C10orf71: variants seen among roughly 807,000 people sequenced by gnomAD.
C10orf71 encodes the protein chromosome 10 open reading frame 71, also known as cardiac-enriched FHL2-interacting protein.
For synonymous variants in C10orf71, 758 were observed against 726.3 expected, an observed-to-expected ratio of 1.04 and a Z score of -0.70; for missense variants, 1,869 against 1,804.5, an observed-to-expected ratio of 1.04 and a Z score of -0.65.
Position 49,325,978 on chromosome 10 carries a change from G to C in C10orf71, c.3433G>C (p.Asp1145His). The C allele has an allele frequency of 1.3e-6, 2 of 1,551,710 alleles. No individual in the cohort carries two copies. The highest frequency in any genetic ancestry group is 2.4e-5 in the South Asian group (2 of 84,068). Residue 1145 changes from aspartate to histidine, a missense_variant, in exon 3 of 3, where the codon GAT (aspartate) becomes CAT (histidine). Asp to His is a moderately conservative substitution (Grantham distance 81). Transcript: ENST00000374144. ...CCTCTCTCCAAGAGGTTCATTGCTGGATGTGGCCACCAGCCCAGCAGGCAC... is the reference window on the plus strand; with the variant it reads ...CCTCTCTCCAAGAGGTTCATTGCTGCATGTGGCCACCAGCCCAGCAGGCAC... ...RTLSPRGSLL[D>H]VATSPAGTSG...
At chr10:49,303,866 G>A (rs1019118531) in intron 1 of C10orf71, among the ~76,000 whole-genome samples, 2 of 152,116 alleles carry the variant, frequency 1.3e-5, no homozygotes, top group Non-Finnish European at 2.9e-5. Context: ...TCCTTCCCCT[G>A]GCTGAGCCGC....
At chr10:49,313,687 A>G (rs993343418) in intron 1 of C10orf71, among the ~76,000 whole-genome samples, 3 of 152,088 alleles carry the variant, frequency 2.0e-5, no homozygotes, top group Admixed American at 6.6e-5. Context: ...GTCAAAGGGA[A>G]AGGCACTGGG....
At chr10:49,318,900 C>T (rs993222365) in intron 2 of C10orf71, among the ~76,000 whole-genome samples, 1 of 152,242 alleles carries the variant, frequency 6.6e-6, no homozygotes, top group Non-Finnish European at 1.5e-5. Flanking sequence ...TGGAGCCAGG[C>T]AGGATCTGGG....
In C10orf71 at chr10:49,324,314, C is replaced by T. The variant is rs1849170282; in HGVS notation, c.1769C>T (p.Thr590Ile). The T allele has an allele frequency of 1.2e-6, 2 of 1,613,824 alleles. No individual in the cohort carries two copies. Among genetic ancestry groups the T allele is most frequent in the Admixed American group, 1.7e-5 (1 of 59,992 alleles). Reference protein sequence around the residue: ...PSEPSADSYLTLSTAPTIAKA... With the variant: ...PSEPSADSYLILSTAPTIAKA... ...GAGCCCTCTGCAGACAGCTATCTAA[C>T]TCTTAGCACAGCTCCGACTATCGCC... Residue 590 changes from threonine (T) to isoleucine (I), a missense_variant, in exon 3 of 3, where the codon ACT becomes ATT. Transcript: ENST00000374144.
intron 1 of C10orf71, among the ~76,000 whole-genome samples, chr10:49,311,430 C>T (rs986482951): frequency 6.6e-6 from 1 of 152,226 alleles, no homozygotes; most frequent in Non-Finnish European, 1.5e-5. Context: ...GGACCTCTGT[C>T]CCTTTGCACA....
Position 49,323,074 on chromosome 10 carries a change from G to T in C10orf71, c.529G>T (p.Ala177Ser). Residue 177 changes from alanine to serine, a missense_variant, in exon 3 of 3, where the codon GCT (alanine) becomes TCT (serine). By Grantham distance (99) the Ala-to-Ser change is moderately conservative (BLOSUM62 1). Coordinates refer to ENST00000374144, the MANE Select transcript of C10orf71 (RefSeq NM_001135196.2). ...PPALKNPPKF[A>S]PLPENSVNFC... ...GGCTCTGAAAAATCCTCCCAAATTC[G>T]CTCCTCTTCCAGAAAACAGTGTCAA... 6.2e-7 allele frequency: 1 copy of T among 1,613,920 alleles called. No homozygotes were observed. Among genetic ancestry groups the T allele is most frequent in the Non-Finnish European group, 8.5e-7 (1 of 1,179,866 alleles).
chr10:49,323,546 A>G lies in C10orf71; in HGVS notation c.1001A>G (p.Glu334Gly). ...PCQVQASCSQ[E>G]ENRLAAGALS... ...CAGGTCCAGGCCAGCTGCAGTCAGG[A>G]AGAGAACAGACTTGCAGCAGGGGCT... The change falls in exon 3 of 3, where the codon GAA becomes GGA. Residue 334 changes from glutamate to glycine, a missense_variant. Transcript: ENST00000374144. The G allele has an allele frequency of 6.2e-7, 1 of 1,609,716 alleles. No homozygotes were observed. The highest frequency in any genetic ancestry group is 8.5e-7 in the Non-Finnish European group (1 of 1,177,226).
intron 2 of C10orf71, among the ~76,000 whole-genome samples, chr10:49,321,590 T>G (rs921301032): frequency 6.6e-6 from 1 of 152,236 alleles, no homozygotes. Context: ...TTGGATCATA[T>G]AGTAGTTCTA....
Position 49,323,950 on chromosome 10 carries a change from C to G in C10orf71, c.1405C>G (p.Pro469Ala). ...AGACAGCCAGCCAGCAGAGCGAACC[C>G]CATCACCCCCAGGACAGCTAAACGG... Reference protein sequence around the residue: ...SADSQPAERTPSPPGQLNGYQ... With the variant: ...SADSQPAERTASPPGQLNGYQ... Residue 469 changes from proline (P) to alanine (A), a missense_variant, in exon 3 of 3, where the codon CCA (proline) becomes GCA (alanine). Coordinates refer to ENST00000374144, the MANE Select transcript of C10orf71 (RefSeq NM_001135196.2). The G allele has an allele frequency of 6.2e-7, 1 of 1,613,842 alleles. No homozygotes were observed. Among genetic ancestry groups the G allele is most frequent in the Non-Finnish European group, 8.5e-7 (1 of 1,179,858 alleles).
rs772526573 is a variant in C10orf71 at position 49,322,507 on chromosome 10, C to A, written c.-39C>A. 5 of 1,546,742 alleles carry A rather than the reference C, an allele frequency of 3.2e-6. No homozygotes were observed. The highest frequency in any genetic ancestry group is 2.0e-4 in the Middle Eastern group (1 of 5,060). ...CTTGACAGAATCATCACCAGAGACA[C>A]CTGCCGGCTGACAAGGACAGCTTTC... is the stretch of plus-strand genomic sequence containing the variant. On this transcript the variant is annotated 5_prime_UTR_variant, in exon 3 of 3. Coordinates refer to ENST00000374144, the MANE Select transcript of C10orf71 (RefSeq NM_001135196.2).
Position 49,324,110 on chromosome 10 carries a change from T to C in C10orf71, c.1565T>C (p.Val522Ala), listed in dbSNP as rs61453891. 6.2e-7 allele frequency: 1 copy of C among 1,613,904 alleles called. No homozygotes were observed. The highest frequency in any genetic ancestry group is 8.5e-7 in the Non-Finnish European group (1 of 1,179,888). The change falls in exon 3 of 3, where the codon GTG (valine) becomes GCG (alanine). Residue 522 changes from valine to alanine, a missense_variant. Coordinates refer to ENST00000374144, the MANE Select transcript of C10orf71 (RefSeq NM_001135196.2). ...TACAGTTCCTCACCTCTCTTGAAAG[T>C]GCTTGATGAGAAAACTAGAGGTAAG... ...STYSSSPLLK[V>A]LDEKTRGKVD...
chr10:49,307,339 AGT>A lies in C10orf71; in HGVS notation c.-248+8109_-248+8110del. Among the ~76,000 whole-genome samples the A allele has an allele frequency of 1.3e-5, 2 of 152,278 alleles. 1 individual carries two copies. The highest frequency in any genetic ancestry group is 4.1e-4 in the South Asian group (2 of 4,826). Reference sequence around the variant, plus strand: ...GAGGTCTGCAGAGAACACCTGAGAGAGTGTCGTGGAGCAGCTGGCAGTGCCAG... The same window carrying A: ...GAGGTCTGCAGAGAACACCTGAGAGAGTCGTGGAGCAGCTGGCAGTGCCAG... On this transcript the variant is annotated intron_variant, in intron 1 of 2. Transcript: ENST00000374144.
In C10orf71 at chr10:49,325,915, G is replaced by A; in HGVS notation, c.3370G>A (p.Asp1124Asn). ...THALVWEGGSDPLLELSAEDL... is the reference protein window; with the variant it reads ...THALVWEGGSNPLLELSAEDL... ...CGCCCTCGTGTGGGAGGGCGGCTCT[G>A]ACCCCCTACTTGAGCTGTCGGCAGA... The change falls in exon 3 of 3, where the codon GAC (aspartate) becomes AAC (asparagine). Residue 1124 changes from aspartate to asparagine, a missense_variant. Transcript: ENST00000374144. 2.6e-6 allele frequency: 4 copies of A among 1,550,834 alleles called. No homozygotes were observed. The highest frequency in any genetic ancestry group is 3.5e-6 in the Non-Finnish European group (4 of 1,146,418).
chr10:49,324,995 C>G lies in C10orf71; in HGVS notation c.2450C>G (p.Ala817Gly). 6.4e-7 allele frequency: 1 copy of G among 1,551,284 alleles called. No individual in the cohort carries two copies. The highest frequency in any genetic ancestry group is 2.0e-5 in the Admixed American group (1 of 50,962). The change falls in exon 3 of 3, where the codon GCA (alanine) becomes GGA (glycine). Residue 817 changes from alanine (A) to glycine (G), a missense_variant. Physicochemically the swap from Ala to Gly is moderately conservative, Grantham distance 60 (BLOSUM62 0). Transcript: ENST00000374144. ...VSGGRTRKAS[A>G]EEANFRGSWI... ...GGAGGAAGAACCAGGAAGGCATCAGCAGAGGAAGCTAATTTCAGAGGCTCT... is the reference window on the plus strand; with the variant it reads ...GGAGGAAGAACCAGGAAGGCATCAGGAGAGGAAGCTAATTTCAGAGGCTCT...
At chr10:49,314,133 C>A (rs546632035) in intron 1 of C10orf71, among the ~76,000 whole-genome samples, 1 of 152,112 alleles carries the variant, frequency 6.6e-6, no homozygotes, top group East Asian at 1.9e-4. Context: ...AGATGAGGAG[C>A]AAAAATGCCA....
At position 49,325,472 on chromosome 10, in the gene C10orf71, C is replaced by A. The variant is rs1325155288; in HGVS notation, c.2927C>A (p.Ala976Asp). 6.4e-7 allele frequency: 1 copy of A among 1,550,628 alleles called. No homozygotes were observed. The highest frequency in any genetic ancestry group is 1.2e-5 in the South Asian group (1 of 83,980). ...EGDRVKAPPD[A>D]APGLVASNCK... ...GACCGGGTGAAGGCACCACCAGATG[C>A]TGCACCTGGCCTCGTGGCAAGCAAT... The change falls in exon 3 of 3, where the codon GCT (alanine) becomes GAT (aspartate). Residue 976 changes from alanine to aspartate, a missense_variant. Ala to Asp is a moderately radical substitution (Grantham distance 126, BLOSUM62 -2). Coordinates refer to ENST00000374144, the MANE Select transcript of C10orf71 (RefSeq NM_001135196.2).
At position 49,326,974 on chromosome 10, in the gene C10orf71, C is replaced by T. The variant is rs748249400; in HGVS notation, c.*121C>T. The stretch of plus-strand genomic sequence containing the variant: ...ACACACACACACACGATCATCAACA[C>T]ATACTTAGCCTTTTTAGATCCATAA... On this transcript the variant is annotated 3_prime_UTR_variant, in exon 3 of 3. Coordinates refer to ENST00000374144, the MANE Select transcript of C10orf71 (RefSeq NM_001135196.2). 73 of 1,552,554 alleles carry T rather than the reference C, an allele frequency of 4.7e-5. No homozygotes were observed. Among genetic ancestry groups the T allele is most frequent in the Middle Eastern group, 1.7e-4 (1 of 5,836 alleles).
chr10:49,324,518 G>T lies in C10orf71; in HGVS notation c.1973G>T (p.Gly658Val). 6.2e-7 allele frequency: 1 copy of T among 1,612,644 alleles called. No homozygotes were observed. The highest frequency in any genetic ancestry group is 8.5e-7 in the Non-Finnish European group (1 of 1,179,262). Residue 658 changes from glycine to valine, a missense_variant, in exon 3 of 3, where the codon GGG (glycine) becomes GTG (valine). Transcript: ENST00000374144. ...TGCAATAGGGATCCTGAGCCTGGAG[G>T]GGCTACAGAGAAAATGAAGACCCAC... ...RLCNRDPEPGGATEKMKTHQL... is the reference protein window; with the variant it reads ...RLCNRDPEPGVATEKMKTHQL...
At chr10:49,309,507 G>A (rs1381229559) in intron 1 of C10orf71, among the ~76,000 whole-genome samples, 1 of 152,128 alleles carries the variant, frequency 6.6e-6, no homozygotes, top group Non-Finnish European at 1.5e-5. Flanking sequence ...AGTAAATGTC[G>A]ATTTTAAGCC....
Sources: gnomAD v4.1 joint callset for allele counts (sites outside exome capture counted in the v4.1 genomes callset) on GRCh38, gnomAD v4.1.1 for gene constraint, MANE v1.5 for transcripts, NCBI Gene and HGNC (gene_info 2026-07-23, HGNC 2026-07-21) for gene names.